SPATA20: variants seen among roughly 807,000 people sequenced by gnomAD.
SPATA20 encodes the protein spermatogenesis-associated protein 20.
A neutral mutation model predicts 98.9 loss-of-function variants in SPATA20; 74 were observed. The observed-to-expected ratio is 0.75, with a 90% confidence interval of 0.62 to 0.91. The LOEUF is 0.91. Ranked by LOEUF, SPATA20 falls within the 40% of genes least tolerant of loss-of-function variation. The probability of loss-of-function intolerance (pLI) is 0.00; values close to 1 mark genes in which losing one functional copy is unlikely to be tolerated. For missense variants in SPATA20, 1,016 were observed against 1,069.8 expected (o/e 0.95, Z 0.70); for synonymous variants, 430 against 440.5 (o/e 0.98, Z 0.30).
At position 50,548,544 on chromosome 17, in the gene SPATA20, C is replaced by A. The variant is rs777319046; in HGVS notation, c.297-10C>A. The A allele has an allele frequency of 2.3e-5, 37 of 1,613,636 alleles. No individual in the cohort carries two copies. In the South Asian group the frequency reaches 3.6e-4, roughly 16 times the overall value. ...GGCTACTGAGTGATGCCCCACCCTG[C>A]TGGGTCTAGGTACCCCTGGGGACAG... is the stretch of plus-strand genomic sequence containing the variant. On this transcript the variant is annotated splice_polypyrimidine_tract_variant and intron_variant, in intron 3 of 16. Coordinates refer to ENST00000006658, the MANE Select transcript of SPATA20 (RefSeq NM_022827.4).
At position 50,548,958 on chromosome 17, in the gene SPATA20, C is replaced by T. The variant is rs893448615; in HGVS notation, c.510C>T (p.Phe170=). 6.8e-6 allele frequency: 11 copies of T among 1,614,146 alleles called. No homozygotes were observed. The highest frequency in any genetic ancestry group is 3.3e-5 in the Admixed American group (2 of 60,022). The part of the protein sequence containing the change: ...RPDVDKVYMT[F]VQATSSGGGW... Reference sequence around the variant, plus strand: ...ACGTGGACAAGGTGTACATGACGTTCGTGCAGGTGAGCAGCCCTCCTCGGG... The same window carrying T: ...ACGTGGACAAGGTGTACATGACGTTTGTGCAGGTGAGCAGCCCTCCTCGGG... The change falls in exon 5 of 17, where the codon TTC becomes TTT. Residue 170 remains phenylalanine (F), a synonymous_variant. Transcript: ENST00000006658.
chr17:50,555,647 A>G lies in SPATA20; in HGVS notation c.2394A>G (p.Lys798=). ...TCACTGATCCCTGCGAATTACGAAA[A>G]CTACTACATCCATGACTGCCCCAAC... The part of the protein sequence containing the change: ...VPITDPCELR[K]LLHP The change falls in exon 17 of 17, where the codon AAA becomes AAG. Residue 798 remains lysine, a synonymous_variant. Transcript: ENST00000006658. The G allele has an allele frequency of 6.2e-7, 1 of 1,613,846 alleles. No individual in the cohort carries two copies.
Position 50,554,321 on chromosome 17 carries a change from G to T in SPATA20, c.2028G>T (p.Thr676=), listed in dbSNP as rs140095047. 1 of 1,614,072 alleles carries T rather than the reference G, an allele frequency of 6.2e-7. No individual in the cohort carries two copies. The highest frequency in any genetic ancestry group is 8.5e-7 in the Non-Finnish European group (1 of 1,180,050). ...AHNLLRLHGF[T]GHKDWMDKCV... is the part of the protein sequence containing the mutation. ...ACCTGCTCCGGCTGCATGGCTTCAC[G>T]GGCCACAAGGACTGGATGGACAAGT... Residue 676 remains threonine, a synonymous_variant, in exon 15 of 17, where the codon ACG becomes ACT. Coordinates refer to ENST00000006658, the MANE Select transcript of SPATA20 (RefSeq NM_022827.4).
intron 16 of SPATA20, 73 bp from the exon 17 acceptor site, chr17:50,555,418 TC>T (rs2035100915): frequency 6.2e-6 from 10 of 1,603,884 alleles, no homozygotes; most frequent in Non-Finnish European, 8.5e-6. Flanking sequence ...AGAGGGAACT[TC>T]CCAGTGGGCC....
chr17:50,549,575 T>C (rs2034977094), intron 7 of SPATA20, 88 bp downstream of exon 7: 9 of 1,340,090 alleles, frequency 6.7e-6, no homozygotes, highest in Non-Finnish European at 6.1e-6. Context: ...GCCTCACCCA[T>C]AGCTTCCTGT....
In SPATA20 at chr17:50,548,637, C is replaced by T. The variant is rs556298827; in HGVS notation, c.361+19C>T. ...CTCTCAGGTAATGCTCCCACCTTCCCTGATGTGGGGGTGTGGGCAGGGAGT... is the reference window on the plus strand; with the variant it reads ...CTCTCAGGTAATGCTCCCACCTTCCTTGATGTGGGGGTGTGGGCAGGGAGT... On this transcript the variant is annotated intron_variant, in intron 4 of 16. Coordinates refer to ENST00000006658, the MANE Select transcript of SPATA20 (RefSeq NM_022827.4). 1 of 1,611,126 alleles carries T rather than the reference C, an allele frequency of 6.2e-7. No homozygotes were observed. The highest frequency in any genetic ancestry group is 1.1e-5 in the South Asian group (1 of 90,918).
intron 14 of SPATA20, among the ~76,000 whole-genome samples, chr17:50,553,736 C>CTT (rs1448872506): frequency 6.6e-6 from 1 of 152,104 alleles, no homozygotes; most frequent in Non-Finnish European, 1.5e-5. Context: ...GGAGGTCACT[C>CTT]TGACCACTGA....
In SPATA20 at chr17:50,548,330, C is replaced by T. The variant is rs1258480349; in HGVS notation, c.173C>T (p.Ser58Leu). The T allele has an allele frequency of 1.9e-6, 3 of 1,613,910 alleles. No individual in the cohort carries two copies. The highest frequency in any genetic ancestry group is 2.5e-6 in the Non-Finnish European group (3 of 1,179,954). Residue 58 changes from serine to leucine, a missense_variant, in exon 3 of 17, where the codon TCA becomes TTA. Ser to Leu is a moderately radical substitution (Grantham distance 145). Transcript: ENST00000006658. ...DKDRSATVSSSVPMPAGGKGS... is the reference protein window; with the variant it reads ...DKDRSATVSSLVPMPAGGKGS... ...GACCGAAGTGCGACGGTCAGTAGTT[C>T]AGTGCCCATGCCTGCTGGAGGGAAA... is the stretch of plus-strand genomic sequence containing the variant.
At position 50,549,517 on chromosome 17, in the gene SPATA20, G is replaced by C. The variant is rs369523074; in HGVS notation, c.862+30G>C. On this transcript the variant is annotated intron_variant, in intron 7 of 16. Coordinates refer to ENST00000006658, the MANE Select transcript of SPATA20 (RefSeq NM_022827.4). ...GTGCCCCACGCCCGCCTTAGCCCAG[G>C]CTTTGGCCTTCTGATTCCTATGCTG... is the stretch of plus-strand genomic sequence containing the variant. The C allele has an allele frequency of 2.5e-5, 40 of 1,596,726 alleles. No individual in the cohort carries two copies. In the African/African-American group the frequency reaches 4.4e-4, roughly 18 times the overall value.
At chr17:50,548,478 C>T in intron 3 of SPATA20, 25 bp downstream of exon 3, 4 of 1,613,574 alleles carry the variant, frequency 2.5e-6, no homozygotes, top group Non-Finnish European at 3.4e-6. Context: ...TGGGGCCCTG[C>T]CTGGAATCGC....
chr17:50,555,729 G>A lies in SPATA20; in HGVS notation c.*67G>A, dbSNP rs138474513. 2.1e-6 allele frequency: 3 copies of A among 1,455,108 alleles called. No homozygotes were observed. The African/African-American group carries it at 4.3e-5, about 21-fold the overall frequency. The allele number at this position is 1,455,108 out of a possible 1,614,324, so 90.1% of individuals were successfully genotyped here. On this transcript the variant is annotated 3_prime_UTR_variant, in exon 17 of 17. Transcript: ENST00000006658. ...CCAACTGACTAGAGACTCAGGCCCT[G>A]CAGGGCCCTATAGAACCTGTGGCCA...
intron 4 of SPATA20, 28 bp downstream of exon 4, chr17:50,548,646 GGGT>G (rs1377290903): frequency 3.7e-6 from 6 of 1,609,414 alleles, no homozygotes; most frequent in African/African-American, 1.3e-5. Flanking sequence ...CCTGATGTGG[GGGT>G]GTGGGCAGGG....
chr17:50,549,011 A>T, intron 5 of SPATA20, 32 bp from the exon 6 acceptor site: 1 of 1,613,890 alleles, frequency 6.2e-7, no homozygotes, highest in South Asian at 1.1e-5. Flanking sequence ...GGCTCAGAGC[A>T]GCTCCCCTCA....
chr17:50,548,648 G>C, intron 4 of SPATA20, 30 bp downstream of exon 4: 1 of 1,608,936 alleles, frequency 6.2e-7, no homozygotes. Flanking sequence ...TGATGTGGGG[G>C]TGTGGGCAGG....
At position 50,550,711 on chromosome 17, in the gene SPATA20, G is replaced by A. The variant is rs149309233; in HGVS notation, c.1177G>A (p.Gly393Arg). 1.4e-5 allele frequency: 22 copies of A among 1,613,214 alleles called. No homozygotes were observed. Among genetic ancestry groups the A allele is most frequent in the East Asian group, 6.7e-5 (3 of 44,900 alleles). Reference sequence around the variant, plus strand: ...GCCAACTCTCCCCTCCCCACAGTCCGGAGGCTTCTATAGCGCAGAAGATGC... The same window carrying A: ...GCCAACTCTCCCCTCCCCACAGTCCAGAGGCTTCTATAGCGCAGAAGATGC... ...YVARSLSHRS[G>R]GFYSAEDADS... The change falls in exon 11 of 17, where the codon GGA (glycine) becomes AGA (arginine). Residue 393 changes from glycine to arginine, a missense_variant. By Grantham distance (125) the Gly-to-Arg change is moderately radical. Transcript: ENST00000006658.
Position 50,548,392 on chromosome 17 carries a change from A to C in SPATA20, c.235A>C (p.Asn79His). 5 of 1,614,008 alleles carry C rather than the reference A, an allele frequency of 3.1e-6. No homozygotes were observed. The highest frequency in any genetic ancestry group is 4.2e-6 in the Non-Finnish European group (5 of 1,179,972). Residue 79 changes from asparagine to histidine, a missense_variant, in exon 3 of 17, where the codon AAC becomes CAC. Physicochemically the swap from Asn to His is moderately conservative, Grantham distance 68. Transcript: ENST00000006658. ...HPSSTPQRVPNRLIHEKSPYL... is the reference protein window; with the variant it reads ...HPSSTPQRVPHRLIHEKSPYL... ...TTCATCTACACCCCAGAGGGTCCCCAACCGCCTGATCCACGAGAAGTCACC... is the reference window on the plus strand; with the variant it reads ...TTCATCTACACCCCAGAGGGTCCCCCACCGCCTGATCCACGAGAAGTCACC...
In SPATA20 at chr17:50,555,734, G is replaced by A. The variant is rs1644959735; in HGVS notation, c.*72G>A. Reference sequence around the variant, plus strand: ...TGACTAGAGACTCAGGCCCTGCAGGGCCCTATAGAACCTGTGGCCATCCCT... The same window carrying A: ...TGACTAGAGACTCAGGCCCTGCAGGACCCTATAGAACCTGTGGCCATCCCT... On this transcript the variant is annotated 3_prime_UTR_variant, in exon 17 of 17. Transcript: ENST00000006658. 5 of 1,421,140 alleles carry A rather than the reference G, an allele frequency of 3.5e-6. No individual in the cohort carries two copies. Among genetic ancestry groups the A allele is most frequent in the Non-Finnish European group, 4.8e-6 (5 of 1,045,608 alleles). 88.0% of individuals were successfully genotyped at this position (1,421,140 alleles called of 1,614,324 possible).
At chr17:50,549,259 C>G in intron 6 of SPATA20, 27 bp from the exon 7 acceptor site, 1 of 1,605,248 alleles carries the variant, frequency 6.2e-7, no homozygotes, top group Non-Finnish European at 8.5e-7. Flanking sequence ...CCTAGCTGAC[C>G]TCCAGGTGTG....
At chr17:50,553,656 G>T (rs1485547719) in intron 14 of SPATA20, among the ~76,000 whole-genome samples, 1 of 151,974 alleles carries the variant, frequency 6.6e-6, no homozygotes, top group Non-Finnish European at 1.5e-5. Context: ...GGGACTACAG[G>T]TGTGAGCCAC....
Sources: allele counts gnomAD v4.1 joint callset (sites outside exome capture counted in the v4.1 genomes callset), GRCh38; gene constraint gnomAD v4.1.1; transcripts MANE v1.5; gene names NCBI Gene and HGNC (gene_info 2026-07-23, HGNC 2026-07-21).